The following SCIN variants were observed in gnomAD, a reference collection of about 807,000 sequenced individuals.
The protein encoded by SCIN is scinderin.
SCIN carries 91 observed loss-of-function variants against 91.8 expected under a neutral mutation model. The observed-to-expected ratio is 0.99, with a 90% CI of 0.84 to 1.18. SCIN has a LOEUF of 1.18. Ranked by LOEUF, SCIN falls within the 50% of genes most tolerant of loss-of-function variation. SCIN has a pLI of 0.00. For missense variants in SCIN, 1,087 were observed against 863.9 expected, an observed-to-expected ratio of 1.26 and a Z score of -3.24; for synonymous variants, 367 against 312.6, an observed-to-expected ratio of 1.17 and a Z score of -1.84.
chr7:12,577,679 T>C (rs1010741067), intron 1 of SCIN: 2 of 425,954 alleles, frequency 4.7e-6, no homozygotes, highest in Non-Finnish European at 9.1e-6. Flanking sequence ...TATGGAGACC[T>C]TTTCCCTACA....
chr7:12,631,722 C>T (rs2115281310), intron 9 of SCIN, among the ~76,000 whole-genome samples: 1 of 152,278 alleles, frequency 6.6e-6, no homozygotes, highest in South Asian at 2.1e-4. Context: ...GACTTCTCAC[C>T]CTCCATAACT....
At chr7:12,631,371 A>G (rs539112324) in intron 9 of SCIN, among the ~76,000 whole-genome samples, 1 of 152,316 alleles carries the variant, frequency 6.6e-6, no homozygotes, top group African/African-American at 2.4e-5. Flanking sequence ...TGTAAGATCA[A>G]GTTGAGTGAT....
intron 9 of SCIN, among the ~76,000 whole-genome samples, chr7:12,630,167 G>A (rs796355156): frequency 6.6e-5 from 10 of 151,820 alleles, no homozygotes; most frequent in African/African-American, 2.4e-4. Context: ...CATCCCCATA[G>A]TCTGGTCATC....
At chr7:12,643,343 T>C (rs1384649380) in intron 11 of SCIN, among the ~76,000 whole-genome samples, 1 of 152,174 alleles carries the variant, frequency 6.6e-6, no homozygotes, top group Non-Finnish European at 1.5e-5. Context: ...TCTTGTCAGC[T>C]TCTATCCATC....
At chr7:12,634,598 G>A (rs975309101) in intron 9 of SCIN, among the ~76,000 whole-genome samples, 1 of 152,146 alleles carries the variant, frequency 6.6e-6, no homozygotes, top group Non-Finnish European at 1.5e-5. Context: ...TCCAAGTTTA[G>A]TATTCCTGCT....
At chr7:12,638,810 A>G (rs1178535641) in intron 10 of SCIN, among the ~76,000 whole-genome samples, 1 of 152,184 alleles carries the variant, frequency 6.6e-6, no homozygotes, top group Non-Finnish European at 1.5e-5. Context: ...TGCTACTTTT[A>G]ATCAATAAAT....
chr7:12,584,538 C>T (rs904574812), intron 3 of SCIN, among the ~76,000 whole-genome samples: 1 of 152,110 alleles, frequency 6.6e-6, no homozygotes, highest in African/African-American at 2.4e-5. Context: ...AATATAACCT[C>T]CTCAGCCTGA....
rs960306124 is a variant in SCIN at position 12,577,882 on chromosome 7, A to T, written c.200-182A>T. ...AAAAAAAAAAAAATAGACTAAAAAA[A>T]TTGTTAATTATTAGCAAAATAATGT... is the stretch of plus-strand genomic sequence containing the variant. On this transcript the variant is annotated intron_variant, in intron 1 of 15. Transcript: ENST00000297029. 1.4e-5 allele frequency: 8 copies of T among 576,352 alleles called. No homozygotes were observed. The African/African-American group carries it at 1.5e-4, about 11-fold the overall frequency. The allele number at this position is 576,352 out of a possible 1,614,324, so 35.7% of individuals were successfully genotyped here. A position where few individuals can be genotyped will look rare whatever the true frequency, so the allele number is the denominator to read the frequency against.
chr7:12,584,505 T>A (rs1254802690), intron 3 of SCIN, among the ~76,000 whole-genome samples: 2 of 152,220 alleles, frequency 1.3e-5, no homozygotes, highest in Non-Finnish European at 2.9e-5. Context: ...TTTTAAATTA[T>A]AGTAAATATT....
At chr7:12,610,830 G>A (rs1326214582) in intron 4 of SCIN, among the ~76,000 whole-genome samples, 2 of 152,114 alleles carry the variant, frequency 1.3e-5, no homozygotes, top group African/African-American at 4.8e-5. Flanking sequence ...TATACTTAGT[G>A]CAATACTGTC....
At chr7:12,612,091 G>A (rs1446544774) in intron 4 of SCIN, among the ~76,000 whole-genome samples, 2 of 152,162 alleles carry the variant, frequency 1.3e-5, no homozygotes, top group South Asian at 4.1e-4. Context: ...TATCAGTTGG[G>A]TCTAAATATT....
At chr7:12,652,329 T>G (rs540569672) in intron 15 of SCIN, among the ~76,000 whole-genome samples, 9 of 144,672 alleles carry the variant, frequency 6.2e-5, no homozygotes, top group African/African-American at 2.0e-4. Flanking sequence ...CTTTCAGGCA[T>G]TAATGAGATT....
chr7:12,578,878 T>A (rs1399929856), intron 2 of SCIN, among the ~76,000 whole-genome samples: 2 of 148,834 alleles, frequency 1.3e-5, no homozygotes, highest in African/African-American at 5.0e-5. Context: ...AATGGTTCTA[T>A]CCCTTTAAGG....
intron 5 of SCIN, 145 bp from the exon 6 acceptor site, chr7:12,624,865 A>G (rs1014803029): frequency 1.8e-5 from 12 of 659,110 alleles, no homozygotes; most frequent in South Asian, 7.4e-5. Flanking sequence ...TTTATACACC[A>G]TAAAATTCTT....
intron 10 of SCIN, among the ~76,000 whole-genome samples, chr7:12,638,350 C>T (rs1449835671): frequency 3.9e-5 from 6 of 152,156 alleles, no homozygotes; most frequent in Non-Finnish European, 4.4e-5. Context: ...TTTCTGCCTG[C>T]CTGTTGTCTT....
chr7:12,581,166 C>G lies in SCIN; in HGVS notation c.461C>G (p.Pro154Arg). Residue 154 changes from proline (P) to arginine (R), a missense_variant, in exon 3 of 16, where the codon CCC becomes CGC. Physicochemically the swap from Pro to Arg is moderately radical, Grantham distance 103. Transcript: ENST00000297029. ...GRRVVRATEV[P>R]LSWDSFNKGD... Reference sequence around the variant, plus strand: ...AGAGTGGTGAGAGCCACAGAAGTTCCCCTTAGCTGGGACAGTTTCAACAAG... The same window carrying G: ...AGAGTGGTGAGAGCCACAGAAGTTCGCCTTAGCTGGGACAGTTTCAACAAG... 6.4e-7 allele frequency: 1 copy of G among 1,551,492 alleles called. No homozygotes were observed. Among genetic ancestry groups the G allele is most frequent in the Non-Finnish European group, 8.7e-7 (1 of 1,146,826 alleles).
At chr7:12,577,887 T>G in intron 1 of SCIN, 177 bp from the exon 2 acceptor site, 1 of 590,370 alleles carries the variant, frequency 1.7e-6, no homozygotes, top group Non-Finnish European at 2.8e-6. Flanking sequence ...AAAAAATTGT[T>G]AATTATTAGC....
At chr7:12,596,525 C>T (rs1253182471) in intron 3 of SCIN, 6 of 448,588 alleles carry the variant, frequency 1.3e-5, no homozygotes, top group Non-Finnish European at 2.7e-5. Context: ...AACTGACATT[C>T]CTAGTGGTTG....
intron 3 of SCIN, among the ~76,000 whole-genome samples, chr7:12,597,463 T>C (rs916592322): frequency 6.6e-6 from 1 of 152,220 alleles, no homozygotes; most frequent in Admixed American, 6.5e-5. Context: ...CTTGCACATG[T>C]TGAGTCAACA....
Sources: allele counts gnomAD v4.1 joint callset (sites outside exome capture counted in the v4.1 genomes callset), GRCh38; gene constraint gnomAD v4.1.1; transcripts MANE v1.5; gene names NCBI Gene and HGNC (gene_info 2026-07-23, HGNC 2026-07-21).